The following USP32 variants were observed in gnomAD, a reference collection of about 807,000 sequenced individuals.
USP32 encodes ubiquitin carboxyl-terminal hydrolase 32.
USP32 carries 59 observed loss-of-function variants against 204.8 expected under a neutral mutation model. The ratio of observed to expected loss-of-function variants is 0.29; its 90% CI spans 0.23 to 0.36. The LOEUF (loss-of-function observed/expected upper bound fraction) is 0.36, where lower values mean the gene tolerates loss of function less well. USP32 is among the 10% of genes least tolerant of loss of function. The probability of loss-of-function intolerance (pLI) is 1.00; values close to 1 mark genes in which losing one functional copy is unlikely to be tolerated. For missense variants in USP32, 1,160 were observed against 1,946.4 expected (o/e 0.60, Z 7.60); for synonymous variants, 517 against 678.4 (o/e 0.76, Z 3.70).
At chr17:60,277,219 T>C (rs1361686571) in intron 5 of USP32, among the ~76,000 whole-genome samples, 1 of 152,200 alleles carries the variant, frequency 6.6e-6, no homozygotes, top group Non-Finnish European at 1.5e-5. Flanking sequence ...AAGTAGTTCT[T>C]GGTCTGCACT....
chr17:60,185,680 G>C (rs1332071442), intron 29 of USP32, 29 bp from the exon 30 acceptor site: 1 of 1,591,400 alleles, frequency 6.3e-7, no homozygotes, highest in South Asian at 1.1e-5. Context: ...GGAGGAAAGG[G>C]GTGCGTGGGA....
chr17:60,357,909 C>T (rs1340591749), intron 1 of USP32, among the ~76,000 whole-genome samples: 2 of 152,122 alleles, frequency 1.3e-5, no homozygotes, highest in Non-Finnish European at 2.9e-5. Flanking sequence ...ACTGGGATTA[C>T]AGGCATGTGC....
intron 26 of USP32, 98 bp downstream of exon 26, chr17:60,205,349 G>A: frequency 6.9e-7 from 1 of 1,446,340 alleles, no homozygotes; most frequent in Non-Finnish European, 9.1e-7. Context: ...GAAAAGAAGA[G>A]AAGAAAATAC....
chr17:60,258,690 G>A (rs1019180111), intron 9 of USP32, among the ~76,000 whole-genome samples: 3 of 152,046 alleles, frequency 2.0e-5, no homozygotes, highest in South Asian at 4.1e-4. Context: ...AGAACACTTC[G>A]CTGTTTTACA....
intron 1 of USP32, among the ~76,000 whole-genome samples, chr17:60,373,850 T>C (rs533726512): frequency 4.6e-5 from 7 of 152,344 alleles, no homozygotes; most frequent in African/African-American, 1.7e-4. Context: ...TCCAAAAATA[T>C]TTTTTCTTTA....
At chr17:60,369,723 C>T (rs758878831) in intron 1 of USP32, among the ~76,000 whole-genome samples, 36 of 151,916 alleles carry the variant, frequency 2.4e-4, no homozygotes, top group Non-Finnish European at 3.7e-4. Context: ...TGATTAAATT[C>T]AAGGTACTTA....
intron 1 of USP32, among the ~76,000 whole-genome samples, chr17:60,387,666 A>G (rs539240304): frequency 6.6e-6 from 1 of 152,342 alleles, no homozygotes; most frequent in South Asian, 2.1e-4. Flanking sequence ...TCTTTGATAC[A>G]ACTTACAATG....
intron 6 of USP32, 77 bp downstream of exon 6, chr17:60,271,273 A>C: frequency 2.0e-6 from 3 of 1,534,488 alleles, no homozygotes; most frequent in Non-Finnish European, 2.6e-6. Flanking sequence ...TAGAGTTAAA[A>C]TGTATTGGTT....
chr17:60,342,225 T>C (rs1392921491), intron 2 of USP32, among the ~76,000 whole-genome samples: 1 of 152,186 alleles, frequency 6.6e-6, no homozygotes, highest in African/African-American at 2.4e-5. Context: ...TGCCTGGGTA[T>C]CACCAGTAGA....
Position 60,179,418 on chromosome 17 carries a change from G to A in USP32, c.4652C>T (p.Pro1551Leu), listed in dbSNP as rs775749225. The A allele has an allele frequency of 9.9e-6, 16 of 1,611,994 alleles. No homozygotes were observed. Among genetic ancestry groups the A allele is most frequent in the Middle Eastern group, 2.1e-4 (1 of 4,690 alleles). The change falls in exon 34 of 34, where the codon CCG (proline) becomes CTG (leucine). Residue 1551 changes from proline to leucine, a missense_variant. Around this residue, in one of 8 missense-constraint regions of USP32, gnomAD observed 244 missense variants for 342.3 expected, o/e 0.71. Coordinates refer to ENST00000300896, the MANE Select transcript of USP32 (RefSeq NM_032582.4). Reference protein sequence around the residue: ...YNDSSCKELHPDEIDTDSAYI... With the variant: ...YNDSSCKELHLDEIDTDSAYI... Reference sequence around the variant, plus strand: ...GGCAGAGTCGGTGTCAATTTCATCCGGGTGAAGTTCCTGAAAGGGCAAGAA... The same window carrying A: ...GGCAGAGTCGGTGTCAATTTCATCCAGGTGAAGTTCCTGAAAGGGCAAGAA...
intron 1 of USP32, among the ~76,000 whole-genome samples, chr17:60,364,999 A>G (rs2089284858): frequency 6.6e-6 from 1 of 152,218 alleles, no homozygotes; most frequent in Non-Finnish European, 1.5e-5. Context: ...TACTACTAGT[A>G]CTATCTAAAC....
At chr17:60,414,528 A>C (rs1432464127) in intron 1 of USP32, among the ~76,000 whole-genome samples, 2 of 149,138 alleles carry the variant, frequency 1.3e-5, no homozygotes, top group East Asian at 2.1e-4. Flanking sequence ...TCCCAGGTTC[A>C]AGCTATTCTC....
At chr17:60,287,554 T>C (rs1206433066) in intron 5 of USP32, among the ~76,000 whole-genome samples, 8 of 152,162 alleles carry the variant, frequency 5.3e-5, no homozygotes, top group African/African-American at 1.4e-4. Flanking sequence ...CTGGTGTAGA[T>C]ATGTGATTTT....
chr17:60,232,592 G>C (rs2085600146), intron 12 of USP32, among the ~76,000 whole-genome samples: 1 of 148,742 alleles, frequency 6.7e-6, no homozygotes, highest in Non-Finnish European at 1.5e-5. Context: ...TGTTGCCCAG[G>C]CTGGAGTGCA....
At chr17:60,318,629 C>G (rs1439501592) in intron 2 of USP32, among the ~76,000 whole-genome samples, 1 of 152,160 alleles carries the variant, frequency 6.6e-6, no homozygotes, top group African/African-American at 2.4e-5. Flanking sequence ...CCCCCACCTC[C>G]AAACCCAGAA....
At chr17:60,228,261 C>T (rs2085448638) in intron 12 of USP32, among the ~76,000 whole-genome samples, 2 of 152,278 alleles carry the variant, frequency 1.3e-5, no homozygotes, top group South Asian at 2.1e-4. Flanking sequence ...AGTGATCCAC[C>T]TGCCTTGGCC....
intron 26 of USP32, among the ~76,000 whole-genome samples, chr17:60,200,420 C>T (rs1266639457): frequency 6.6e-6 from 1 of 151,470 alleles, no homozygotes; most frequent in Admixed American, 6.6e-5. Context: ...ATTAGCCAGG[C>T]GTGGTGCCGC....
intron 1 of USP32, among the ~76,000 whole-genome samples, chr17:60,354,625 C>T (rs965238511): frequency 4.6e-5 from 7 of 152,176 alleles, no homozygotes; most frequent in African/African-American, 1.4e-4. Flanking sequence ...AAAGCTACTG[C>T]AGAGCCACTT....
intron 11 of USP32, among the ~76,000 whole-genome samples, chr17:60,237,304 ATT>A (rs34988306): frequency 1.0e-3 from 133 of 130,934 alleles, no homozygotes; most frequent in African/African-American, 1.6e-3. Context: ...TGCCCAGCTA[ATT>A]TTTTTTTTTT....
Sources: gnomAD v4.1 joint callset for allele counts (sites outside exome capture counted in the v4.1 genomes callset) on GRCh38, gnomAD v4.1.1 for gene constraint, gnomAD v4.1.1 regional missense constraint, MANE v1.5 for transcripts, NCBI Gene and HGNC (gene_info 2026-07-23, HGNC 2026-07-21) for gene names.